ADK: variants seen among roughly 807,000 people sequenced by gnomAD.
ADK encodes the protein adenosine kinase.
Under a neutral mutation model 44.7 loss-of-function variants are expected in ADK, and 24 were observed. That is an observed-to-expected ratio of 0.54 (90% CI 0.39 to 0.76). The LOEUF (loss-of-function observed/expected upper bound fraction) is 0.76, where lower values mean the gene tolerates loss of function less well. Ranked by LOEUF, ADK falls within the 30% of genes least tolerant of loss-of-function variation. The probability of loss-of-function intolerance (pLI) is 0.00; values close to 1 mark genes in which losing one functional copy is unlikely to be tolerated. For missense variants in ADK, 321 were observed against 425.1 expected, an observed-to-expected ratio of 0.76 and a Z score of 2.15; for synonymous variants, 128 against 142.6, an observed-to-expected ratio of 0.90 and a Z score of 0.73.
intron 4 of ADK, among the ~76,000 whole-genome samples, chr10:74,389,159 TAA>T (rs1209370397): frequency 6.6e-6 from 1 of 152,192 alleles, no homozygotes; most frequent in African/African-American, 2.4e-5. Context: ...GAGCAGAAGT[TAA>T]AGTTTTTAAG....
intron 3 of ADK, among the ~76,000 whole-genome samples, chr10:74,226,146 C>T (rs1273846799): frequency 6.6e-6 from 1 of 151,822 alleles, no homozygotes; most frequent in Non-Finnish European, 1.5e-5. Context: ...CTTGCTCCGT[C>T]ACCTAGGCTG....
chr10:74,297,971 A>G (rs1480964130), intron 3 of ADK, among the ~76,000 whole-genome samples: 9 of 152,192 alleles, frequency 5.9e-5, no homozygotes, highest in Admixed American at 5.2e-4. Flanking sequence ...TTGCTGTGCT[A>G]TAACACTGTA....
chr10:74,486,557 A>C (rs1564749242), intron 6 of ADK, among the ~76,000 whole-genome samples: 1 of 152,158 alleles, frequency 6.6e-6, no homozygotes, highest in Non-Finnish European at 1.5e-5. Context: ...AAACTTTATA[A>C]TGAATATGTA....
chr10:74,163,544 T>C (rs1841957216), intron 1 of ADK, among the ~76,000 whole-genome samples: 1 of 152,210 alleles, frequency 6.6e-6, no homozygotes, highest in Non-Finnish European at 1.5e-5. Context: ...CATAACATAC[T>C]GTGAAATGAA....
At chr10:74,634,402 T>C (rs1048913086) in intron 9 of ADK, among the ~76,000 whole-genome samples, 6 of 151,936 alleles carry the variant, frequency 3.9e-5, no homozygotes, top group Admixed American at 3.9e-4. Flanking sequence ...CTATTTTTAG[T>C]GGAGACGGGG....
chr10:74,651,110 C>T (rs975084615), intron 9 of ADK, among the ~76,000 whole-genome samples: 1 of 152,108 alleles, frequency 6.6e-6, no homozygotes, highest in Non-Finnish European at 1.5e-5. Flanking sequence ...GAAATGGAGG[C>T]ATCAGCTAGG....
intron 1 of ADK, among the ~76,000 whole-genome samples, chr10:74,184,061 G>A (rs1842659688): frequency 6.6e-6 from 1 of 151,922 alleles, no homozygotes; most frequent in East Asian, 1.9e-4. Context: ...GGGATTACAG[G>A]TGCCCACCAC....
chr10:74,583,869 G>A (rs576531002), intron 7 of ADK, among the ~76,000 whole-genome samples: 4 of 152,170 alleles, frequency 2.6e-5, no homozygotes, highest in Middle Eastern at 6.8e-3. Context: ...CTCAGCTAGG[G>A]GAGGATCTTC....
intron 6 of ADK, among the ~76,000 whole-genome samples, chr10:74,410,595 C>T (rs1025610104): frequency 6.6e-5 from 10 of 152,034 alleles, no homozygotes; most frequent in African/African-American, 2.2e-4. Context: ...GTAGGAGAAT[C>T]GCTCAAACCC....
chr10:74,296,748 A>G (rs1839832168), intron 3 of ADK, among the ~76,000 whole-genome samples: 1 of 151,662 alleles, frequency 6.6e-6, no homozygotes, highest in South Asian at 2.1e-4. Flanking sequence ...AGTAGCTGGG[A>G]CTAGAGGCTC....
chr10:74,432,277 T>G (rs1301799684), intron 6 of ADK, among the ~76,000 whole-genome samples: 1 of 152,200 alleles, frequency 6.6e-6, no homozygotes, highest in Non-Finnish European at 1.5e-5. Context: ...ATAATCCTTT[T>G]GTAGATTTGT....
chr10:74,655,727 G>A (rs1854461446), intron 9 of ADK: 1 of 487,596 alleles, frequency 2.1e-6, no homozygotes, highest in Admixed American at 2.5e-5. Flanking sequence ...TCACCAAGGA[G>A]GAGGAATTGC....
At chr10:74,352,369 C>T (rs1384561611) in intron 4 of ADK, among the ~76,000 whole-genome samples, 2 of 152,146 alleles carry the variant, frequency 1.3e-5, no homozygotes, top group Non-Finnish European at 2.9e-5. Context: ...ACTGGCTAGC[C>T]ATATGCAGAA....
At chr10:74,508,985 TAATATGTTACC>T (rs1186525749) in intron 6 of ADK, among the ~76,000 whole-genome samples, 1 of 152,174 alleles carries the variant, frequency 6.6e-6, no homozygotes, top group Non-Finnish European at 1.5e-5. Flanking sequence ...GTCTTGCTAT[TAATATGTTACC>T]AAGACCAGAA....
chr10:74,490,439 T>TG (rs1029923722), intron 6 of ADK, among the ~76,000 whole-genome samples: 9 of 152,080 alleles, frequency 5.9e-5, no homozygotes, highest in African/African-American at 1.9e-4. Context: ...TAGTTACAAA[T>TG]GCAGTCTTTT....
intron 6 of ADK, among the ~76,000 whole-genome samples, chr10:74,518,396 T>G (rs1848680416): frequency 6.6e-6 from 1 of 152,232 alleles, no homozygotes; most frequent in Non-Finnish European, 1.5e-5. Context: ...TAGTGGTTTA[T>G]GCTTTCTAAA....
In ADK at chr10:74,199,683, ATTTTT is replaced by A. The variant is rs374729311; in HGVS notation, c.66-1077_66-1073del. 9.3e-5 allele frequency among the ~76,000 whole-genome samples: 14 copies of A among 150,814 alleles called. No individual in the cohort carries two copies. In the East Asian group the frequency reaches 2.2e-3, roughly 23 times the overall value. On this transcript the variant is annotated intron_variant, in intron 1 of 10. Transcript: ENST00000539909. ...TTGGTAGAATGATTCATTTTTTTTC[ATTTTT>A]TTTATTTTTTAGGCAGAGTCTCGCT...
chr10:74,162,897 C>T (rs1430168486), intron 1 of ADK, among the ~76,000 whole-genome samples: 7 of 152,004 alleles, frequency 4.6e-5, no homozygotes. Flanking sequence ...TTATAATAGC[C>T]ATTTATTATA....
intron 7 of ADK, among the ~76,000 whole-genome samples, chr10:74,550,122 GTGCAGTGGCGTGATCTTGGCTCACTGC>G (rs1849979360): frequency 6.8e-6 from 1 of 147,884 alleles, no homozygotes; most frequent in Non-Finnish European, 1.5e-5. Context: ...CCAGGCTGCA[GTGCAGTGGCGTGATCTTGGCTCACTGC>G]AACCTCTGCC....
Sources: gnomAD v4.1 joint callset for allele counts (sites outside exome capture counted in the v4.1 genomes callset) on GRCh38, gnomAD v4.1.1 for gene constraint, MANE v1.5 for transcripts, NCBI Gene and HGNC (gene_info 2026-07-23, HGNC 2026-07-21) for gene names.